Variants in NLGN4X observed in about 807,000 individuals in gnomAD.
NLGN4X encodes neuroligin-4, X-linked.
A neutral mutation model predicts 40.3 loss-of-function variants in NLGN4X; 3 were observed. The ratio of observed to expected loss-of-function variants is 0.07; its 90% CI spans 0.03 to 0.19. NLGN4X has a LOEUF of 0.19. Ranked by LOEUF, NLGN4X falls within the 10% of genes least tolerant of loss-of-function variation. The probability of loss-of-function intolerance (pLI) is 1.00; values close to 1 mark genes in which losing one functional copy is unlikely to be tolerated. For synonymous variants in NLGN4X, 270 were observed against 306.8 expected, an observed-to-expected ratio of 0.88 and a Z score of 1.25; for missense variants, 382 against 708.3, an observed-to-expected ratio of 0.54 and a Z score of 5.23.
In NLGN4X at chrX:6,126,260, G is replaced by T. The variant is rs1418327487; in HGVS notation, c.472+24735C>A. On this transcript the variant is annotated intron_variant, in intron 2 of 5. Coordinates refer to ENST00000381095, the MANE Select transcript of NLGN4X (RefSeq NM_181332.3). ...TCCTCAACGCTGCATTTACAAAAAA[G>T]ATGTTAGACTCATTTCCTGTAAAAT... Among the ~76,000 whole-genome samples, 7 of 111,656 alleles carry T rather than the reference G, an allele frequency of 6.3e-5. No individual in the cohort carries two copies. The Admixed American group carries it at 6.7e-4, about 11-fold the overall frequency.
At chrX:6,082,962 T>C (rs982950117) in intron 2 of NLGN4X, among the ~76,000 whole-genome samples, 7 of 86,701 alleles carry the variant, frequency 8.1e-5, no homozygotes, top group East Asian at 3.4e-4. Flanking sequence ...TTTTCTTTTT[T>C]TTTTTTTTTT....
At chrX:6,166,528 A>C (rs1418311107) in intron 1 of NLGN4X, among the ~76,000 whole-genome samples, 2 of 112,067 alleles carry the variant, frequency 1.8e-5, no homozygotes, top group African/African-American at 6.5e-5. Flanking sequence ...CAAACCGCCA[A>C]AGGGATCTGT....
chrX:5,995,574 C>G (rs1038779191), intron 3 of NLGN4X, among the ~76,000 whole-genome samples: 13 of 112,038 alleles, frequency 1.2e-4, no homozygotes, highest in African/African-American at 3.9e-4. Context: ...CCTAATGGTT[C>G]AATGTAGGCT....
At chrX:5,929,837 G>A (rs1228202514) in intron 3 of NLGN4X, among the ~76,000 whole-genome samples, 1 of 112,291 alleles carries the variant, frequency 8.9e-6, no homozygotes, top group Non-Finnish European at 1.9e-5. Context: ...GGAAACCTGT[G>A]GATTTTTGTG....
chrX:6,029,214 T>G, intron 3 of NLGN4X, 66 bp downstream of exon 3: 1 of 1,156,376 alleles, frequency 8.6e-7, no homozygotes, highest in Non-Finnish European at 1.2e-6. Context: ...ACGAGCCCCG[T>G]CAAAACGAGA....
At chrX:6,020,230 A>G (rs1358287505) in intron 3 of NLGN4X, among the ~76,000 whole-genome samples, 1 of 111,780 alleles carries the variant, frequency 8.9e-6, no homozygotes, top group East Asian at 2.8e-4. Flanking sequence ...GAATAAAGAA[A>G]ATGGGGTTTA....
intron 3 of NLGN4X, among the ~76,000 whole-genome samples, chrX:5,945,732 T>G (rs1276693362): frequency 9.0e-6 from 1 of 110,675 alleles, no homozygotes; most frequent in Admixed American, 9.7e-5. Context: ...TGAGAACACA[T>G]GCACACATAG....
intron 3 of NLGN4X, among the ~76,000 whole-genome samples, chrX:6,024,515 G>C (rs952479310): frequency 9.0e-6 from 1 of 110,823 alleles, no homozygotes; most frequent in Non-Finnish European, 1.9e-5. Flanking sequence ...CTTAGCCACA[G>C]GATGAGACAG....
intron 3 of NLGN4X, among the ~76,000 whole-genome samples, chrX:6,003,439 C>T (rs1203149778): frequency 1.8e-5 from 2 of 112,391 alleles, no homozygotes; most frequent in East Asian, 2.8e-4. Context: ...TCATGACCTT[C>T]GTTGTACTTT....
At chrX:6,112,588 A>G (rs867472315) in intron 2 of NLGN4X, among the ~76,000 whole-genome samples, 1 of 84,870 alleles carries the variant, frequency 1.2e-5, no homozygotes, top group African/African-American at 4.4e-5. Flanking sequence ...TTTTTAATTT[A>G]TTTTTGTTTT....
In NLGN4X at chrX:5,900,560, C is replaced by CTTTTTTTTTTTT. The variant is rs1163973694; in HGVS notation, c.1601+2505_1601+2516dup. 4.4e-5 allele frequency among the ~76,000 whole-genome samples: 2 copies of CTTTTTTTTTTTT among 45,596 alleles called. 1 individual carries two copies. The highest frequency in any genetic ancestry group is 1.7e-4 in the African/African-American group (2 of 11,772). The allele number at this position is 45,596 out of a possible 115,157, so 39.6% of individuals were successfully genotyped here. On this transcript the variant is annotated intron_variant, in intron 5 of 5. Coordinates refer to ENST00000381095, the MANE Select transcript of NLGN4X (RefSeq NM_181332.3). ...GTTATAAGACACACCGTTTTTGGTG[C>CTTTTTTTTTTTT]TTTTTTTTTTTTTTTTTTTTTTTTT...
At chrX:6,000,480 G>A (rs1014790455) in intron 3 of NLGN4X, among the ~76,000 whole-genome samples, 5 of 111,236 alleles carry the variant, frequency 4.5e-5, no homozygotes, top group Non-Finnish European at 7.5e-5. Context: ...GTCAGCAGCT[G>A]ACCTGGTAAT....
intron 2 of NLGN4X, 86 bp downstream of exon 2, chrX:6,150,909 T>C (rs2040149812): frequency 4.0e-6 from 3 of 746,664 alleles, no homozygotes; most frequent in African/African-American, 4.1e-5. Context: ...GAAGAGATCA[T>C]GCATGAGACA....
At position 6,084,284 on chromosome X, in the gene NLGN4X, A is replaced by T. The variant is rs201171119; in HGVS notation, c.473-54852T>A. Among the ~76,000 whole-genome samples the T allele has an allele frequency of 5.4e-5, 6 of 111,726 alleles. No individual in the cohort carries two copies. In the East Asian group the frequency reaches 1.7e-3, roughly 32 times the overall value. On this transcript the variant is annotated intron_variant, in intron 2 of 5. Transcript: ENST00000381095. The stretch of plus-strand genomic sequence containing the variant: ...AGAACCAGTTTTGGAGAACTGGAGG[A>T]CAAAGAACTATAAATTCCTATTACA...
chrX:5,910,154 T>G (rs1230626179), intron 3 of NLGN4X, among the ~76,000 whole-genome samples: 1 of 111,667 alleles, frequency 9.0e-6, no homozygotes, highest in East Asian at 2.8e-4. Context: ...TGCTTTCTTC[T>G]GATGTTTTGA....
intron 2 of NLGN4X, among the ~76,000 whole-genome samples, chrX:6,135,275 C>G: frequency 8.9e-6 from 1 of 111,769 alleles, no homozygotes; most frequent in Non-Finnish European, 1.9e-5. Context: ...GTCACTTTAT[C>G]TCTCTATGTC....
chrX:5,978,821 C>T (rs958857306), intron 3 of NLGN4X, among the ~76,000 whole-genome samples: 12 of 111,461 alleles, frequency 1.1e-4, no homozygotes, highest in Non-Finnish European at 9.4e-5. Context: ...ATCAATCACA[C>T]ATAGCAGGGC....
At chrX:6,148,141 C>G (rs2040090437) in intron 2 of NLGN4X, among the ~76,000 whole-genome samples, 1 of 112,486 alleles carries the variant, frequency 8.9e-6, no homozygotes, top group Non-Finnish European at 1.9e-5. Context: ...AAGTACGTAT[C>G]TAAAATAGTC....
rs756708440 is a variant in NLGN4X, at chrX:6,094,643, G to A, written c.472+56352C>T. On this transcript the variant is annotated intron_variant, in intron 2 of 5. Coordinates refer to ENST00000381095, the MANE Select transcript of NLGN4X (RefSeq NM_181332.3). Reference sequence around the variant, plus strand: ...ACCCTACTTCACATTTCTGTTATGGGGTGGGGGGATACTAGACAGGGTATG... The same window carrying A: ...ACCCTACTTCACATTTCTGTTATGGAGTGGGGGGATACTAGACAGGGTATG... 1.2e-4 allele frequency among the ~76,000 whole-genome samples: 13 copies of A among 111,282 alleles called. No individual in the cohort carries two copies. The South Asian group carries it at 5.0e-3, about 43-fold the overall frequency.
Sources: gnomAD v4.1 joint callset for allele counts (sites outside exome capture counted in the v4.1 genomes callset) on GRCh38, gnomAD v4.1.1 for gene constraint, MANE v1.5 for transcripts, NCBI Gene and HGNC (gene_info 2026-07-23, HGNC 2026-07-21) for gene names.